The following CSNK1A1 variants were observed in gnomAD, a reference collection of about 807,000 sequenced individuals.
CSNK1A1 encodes the protein casein kinase 1 alpha 1, also known as casein kinase I isoform alpha.
A neutral mutation model predicts 46.1 loss-of-function variants in CSNK1A1; 7 were observed. The ratio of observed to expected loss-of-function variants is 0.15; its 90% CI spans 0.09 to 0.29. CSNK1A1 has a LOEUF of 0.29. Ranked by LOEUF, CSNK1A1 falls within the 10% of genes least tolerant of loss-of-function variation. CSNK1A1 has a pLI of 1.00. For missense variants in CSNK1A1, 96 were observed against 417.1 expected, an observed-to-expected ratio of 0.23 and a Z score of 6.71; for synonymous variants, 137 against 141.5, an observed-to-expected ratio of 0.97 and a Z score of 0.23.
chr5:149,550,349 G>C lies in CSNK1A1; in HGVS notation c.124-168C>G. On this transcript the variant is annotated intron_variant, in intron 1 of 9. Transcript: ENST00000377843. The surrounding 1 kb of genome is among the most constrained non-coding windows in gnomAD (Gnocchi z 4.3). ...TAAAACGAGGCAACCAGCCTCAAAG[G>C]CCTCTTCAGGGGGTAGTGACGAAAT... The C allele has an allele frequency of 7.0e-7, 1 of 1,424,028 alleles. No individual in the cohort carries two copies. The allele number at this position is 1,424,028 out of a possible 1,614,324, so 88.2% of individuals were successfully genotyped here. A position where few individuals can be genotyped will look rare whatever the true frequency, so the allele number is the denominator to read the frequency against.
intron 9 of CSNK1A1, chr5:149,505,171 G>A (rs1451583619): frequency 1.1e-5 from 12 of 1,086,630 alleles, no homozygotes; most frequent in African/African-American, 3.3e-5. Flanking sequence ...TAAAAAAGAT[G>A]CAGTTGTTAA....
At chr5:149,529,876 A>T (rs1419110940) in intron 2 of CSNK1A1, among the ~76,000 whole-genome samples, 1 of 152,234 alleles carries the variant, frequency 6.6e-6, no homozygotes, top group Non-Finnish European at 1.5e-5. Context: ...GTTATACTAT[A>T]GCCGGAGATT....
Position 149,494,703 on chromosome 5 carries a change from C to A in CSNK1A1, c.*2150G>T, listed in dbSNP as rs900980851. On this transcript the variant is annotated 3_prime_UTR_variant, in exon 10 of 10. Transcript: ENST00000377843. ...TGGTAGCTAGAAGATCAATGGGATT[C>A]CAGCTCCAGCTGCAGATGGAATGAC... 9 of 152,172 alleles carry A rather than the reference C, an allele frequency of 5.9e-5. No homozygotes were observed. The highest frequency in any genetic ancestry group is 8.8e-5 in the Non-Finnish European group (6 of 68,042). 9.4% of individuals were successfully genotyped at this position (152,172 alleles called of 1,614,324 possible).
rs941103970 is a variant in CSNK1A1, at chr5:149,550,290, T to C, written c.124-109A>G. On this transcript the variant is annotated intron_variant, in intron 1 of 9. Transcript: ENST00000377843. The surrounding 1 kb of genome is among the most constrained non-coding windows in gnomAD (Gnocchi z 4.3). ...TCCAAGTCGCGACTACAAGAAGAAG[T>C]GAAAAGCTGGAAAGAGAAAGCTCTC... 16 of 1,501,838 alleles carry C rather than the reference T, an allele frequency of 1.1e-5. No individual in the cohort carries two copies. Among genetic ancestry groups the C allele is most frequent in the Admixed American group, 2.3e-5 (1 of 43,966 alleles). The allele number at this position is 1,501,838 out of a possible 1,614,324, so 93.0% of individuals were successfully genotyped here. A position where few individuals can be genotyped will look rare whatever the true frequency, so the allele number is the denominator to read the frequency against.
chr5:149,523,522 C>T (rs1300835621), intron 3 of CSNK1A1, among the ~76,000 whole-genome samples: 1 of 152,192 alleles, frequency 6.6e-6, no homozygotes, highest in Non-Finnish European at 1.5e-5. Flanking sequence ...CACTTTTAAC[C>T]TTTTAATGCT....
intron 4 of CSNK1A1, 136 bp downstream of exon 4, chr5:149,520,154 T>C (rs1761525300): frequency 5.3e-6 from 3 of 570,198 alleles, no homozygotes; most frequent in South Asian, 5.3e-5. Flanking sequence ...ATTATCCTCA[T>C]AGCACAATCT....
intron 2 of CSNK1A1, among the ~76,000 whole-genome samples, chr5:149,528,264 G>A (rs574664952): frequency 1.8e-4 from 27 of 152,058 alleles, no homozygotes; most frequent in African/African-American, 6.5e-4. Context: ...CTTGAAAATA[G>A]CTAAAAAAAA....
chr5:149,505,013 C>A (rs1760979353), intron 9 of CSNK1A1: 2 of 985,858 alleles, frequency 2.0e-6, no homozygotes, highest in Non-Finnish European at 2.4e-6. Flanking sequence ...AATAAAAAAT[C>A]TTAACATTGT....
chr5:149,522,803 TACA>T (rs1318805892), intron 3 of CSNK1A1, among the ~76,000 whole-genome samples: 1 of 152,196 alleles, frequency 6.6e-6, no homozygotes, highest in Non-Finnish European at 1.5e-5. Flanking sequence ...TCTACAACTC[TACA>T]ACAAGGATGG....
intron 3 of CSNK1A1, among the ~76,000 whole-genome samples, chr5:149,523,497 G>A (rs955360527): frequency 6.6e-6 from 1 of 152,224 alleles, no homozygotes; most frequent in Non-Finnish European, 1.5e-5. Context: ...ACAGGCGTGA[G>A]CCAGTGTGCC....
At chr5:149,505,102 T>C in intron 9 of CSNK1A1, 8 of 1,003,354 alleles carry the variant, frequency 8.0e-6, no homozygotes, top group Non-Finnish European at 9.5e-6. Flanking sequence ...GGATTTTGGA[T>C]TGATTGATTA....
rs1007526340 is a variant in CSNK1A1 at position 149,494,426 on chromosome 5, T to A, written c.*2427A>T. Reference sequence around the variant, plus strand: ...TTAGAATGGCCATCTCCCAACATTTTAAAAAAACTGCACCCCCCAATGGGT... The same window carrying A: ...TTAGAATGGCCATCTCCCAACATTTAAAAAAAACTGCACCCCCCAATGGGT... On this transcript the variant is annotated 3_prime_UTR_variant, in exon 10 of 10. Coordinates refer to ENST00000377843, the MANE Select transcript of CSNK1A1 (RefSeq NM_001892.6). 2.0e-5 allele frequency: 3 copies of A among 152,158 alleles called. No individual in the cohort carries two copies. Among genetic ancestry groups the A allele is most frequent in the East Asian group, 1.9e-4 (1 of 5,200 alleles). The allele number at this position is 152,158 out of a possible 1,614,324, so 9.4% of individuals were successfully genotyped here.
intron 2 of CSNK1A1, among the ~76,000 whole-genome samples, chr5:149,534,322 A>C (rs1761986796): frequency 6.6e-6 from 1 of 151,962 alleles, no homozygotes; most frequent in African/African-American, 2.4e-5. Flanking sequence ...TCTCTACTAA[A>C]AACACAAAAA....
At chr5:149,504,504 A>G in intron 9 of CSNK1A1, 1 of 985,474 alleles carries the variant, frequency 1.0e-6, no homozygotes, top group Non-Finnish European at 1.2e-6. Flanking sequence ...GAAAGTAAGC[A>G]GGTATCAGGA....
chr5:149,498,825 A>G, intron 9 of CSNK1A1: 3 of 985,464 alleles, frequency 3.0e-6, no homozygotes, highest in Non-Finnish European at 3.6e-6. Context: ...AACATGCTAC[A>G]TTGTCAGTCA....
chr5:149,549,993 A>G, intron 2 of CSNK1A1, 82 bp downstream of exon 2: 1 of 1,504,596 alleles, frequency 6.6e-7, no homozygotes, highest in Non-Finnish European at 9.0e-7. Flanking sequence ...ACCCGGATTC[A>G]GCTGGTCTCA....
In CSNK1A1 at chr5:149,509,684, T is replaced by G. The variant is rs112320071; in HGVS notation, c.750+195A>C. On this transcript the variant is annotated intron_variant, in intron 7 of 9. Transcript: ENST00000377843. Reference sequence around the variant, plus strand: ...CTTCTAAAGTGCTGGGATTGCAGGCTTGAGCCACTGTGCCCAGCCGGATCA... The same window carrying G: ...CTTCTAAAGTGCTGGGATTGCAGGCGTGAGCCACTGTGCCCAGCCGGATCA... Among the ~76,000 whole-genome samples the G allele has an allele frequency of 9.9e-4, 151 of 151,878 alleles. 2 individuals are homozygous for G. The highest frequency in any genetic ancestry group is 3.4e-3 in the African/African-American group (141 of 41,412).
rs566538655 is a variant in CSNK1A1, at chr5:149,525,211, C to A, written c.231-40G>T. Reference sequence around the variant, plus strand: ...GGAGAAGAGAGGATATTACAAAAAGCTATTACTTAATATCATCAACCCTAA... The same window carrying A: ...GGAGAAGAGAGGATATTACAAAAAGATATTACTTAATATCATCAACCCTAA... On this transcript the variant is annotated intron_variant, in intron 2 of 9. Coordinates refer to ENST00000377843, the MANE Select transcript of CSNK1A1 (RefSeq NM_001892.6). This position sits in a 1 kb window ranked among gnomAD's most constrained non-coding sequence, Gnocchi z 4.2. 2 of 1,543,046 alleles carry A rather than the reference C, an allele frequency of 1.3e-6. No individual in the cohort carries two copies. Among genetic ancestry groups the A allele is most frequent in the East Asian group, 2.3e-5 (1 of 43,374 alleles).
chr5:149,542,628 A>ATG (rs1762300690), intron 2 of CSNK1A1, among the ~76,000 whole-genome samples: 1 of 12,120 alleles, frequency 8.3e-5, no homozygotes, highest in Non-Finnish European at 1.2e-4. Context: ...ATATATATAT[A>ATG]TATATATATA....
Sources: gnomAD v4.1 joint callset for allele counts (sites outside exome capture counted in the v4.1 genomes callset) on GRCh38, gnomAD v4.1.1 for gene constraint, Gnocchi (gnomAD v3.1) non-coding constraint, MANE v1.5 for transcripts, NCBI Gene and HGNC (gene_info 2026-07-23, HGNC 2026-07-21) for gene names.